The following CTTNBP2 variants were observed in gnomAD, a reference collection of about 807,000 sequenced individuals.
CTTNBP2 encodes cortactin-binding protein 2.
In CTTNBP2, 108 loss-of-function variants were observed where a neutral mutation model predicts 156.9. The observed-to-expected ratio is 0.69, with a 90% CI of 0.59 to 0.81. The LOEUF is 0.81. Among genes scored for constraint, CTTNBP2 ranks in the 30% least tolerant of loss-of-function variants. CTTNBP2 has a pLI of 0.00. For synonymous variants in CTTNBP2, 767 were observed against 751.8 expected, an observed-to-expected ratio of 1.02 and a Z score of -0.33; for missense variants, 1,924 against 2,035.4, an observed-to-expected ratio of 0.95 and a Z score of 1.05.
chr7:117,774,736 C>T lies in CTTNBP2; in HGVS notation c.2778+2775G>A, dbSNP rs1306230826. On this transcript the variant is annotated intron_variant, in intron 8 of 22. Coordinates refer to ENST00000160373, the MANE Select transcript of CTTNBP2 (RefSeq NM_033427.3). The stretch of plus-strand genomic sequence containing the variant: ...CTTCAAGCTCTGAAATTCCACAGTT[C>T]TCTACTGAAAACCACGTGGAAACTG... Among the ~76,000 whole-genome samples the T allele has an allele frequency of 7.3e-5, 11 of 150,902 alleles. No homozygotes were observed. In the East Asian group the frequency reaches 2.2e-3, roughly 30 times the overall value.
intron 2 of CTTNBP2, among the ~76,000 whole-genome samples, chr7:117,833,001 C>A (rs1170298805): frequency 6.6e-6 from 1 of 151,956 alleles, no homozygotes; most frequent in African/African-American, 2.4e-5. Flanking sequence ...GTGATCCACC[C>A]ACCTCGGCCT....
chr7:117,841,404 T>C (rs1402550696), intron 2 of CTTNBP2, among the ~76,000 whole-genome samples: 1 of 151,980 alleles, frequency 6.6e-6, no homozygotes, highest in Non-Finnish European at 1.5e-5. Flanking sequence ...AAGACTACAC[T>C]CTACTTTCTG....
chr7:117,738,434 T>C (rs1038303447), intron 14 of CTTNBP2, among the ~76,000 whole-genome samples: 4 of 151,916 alleles, frequency 2.6e-5, no homozygotes, highest in African/African-American at 4.8e-5. Context: ...AGGAAAGAAA[T>C]AGGAGAACAC....
intron 15 of CTTNBP2, 21 bp downstream of exon 15, chr7:117,735,248 T>C (rs766988371): frequency 3.1e-6 from 5 of 1,608,972 alleles, no homozygotes; most frequent in East Asian, 4.5e-5. Flanking sequence ...CTTCTCAGCA[T>C]GGTCCCTTTA....
intron 2 of CTTNBP2, among the ~76,000 whole-genome samples, chr7:117,842,094 C>T (rs1196846620): frequency 1.3e-5 from 2 of 152,160 alleles, no homozygotes; most frequent in African/African-American, 4.8e-5. Context: ...ACTGTACATA[C>T]TATAGGGTTA....
At chr7:117,765,815 G>A (rs1376754735) in intron 9 of CTTNBP2, among the ~76,000 whole-genome samples, 2 of 152,066 alleles carry the variant, frequency 1.3e-5, no homozygotes, top group Admixed American at 6.6e-5. Context: ...AACACCATTT[G>A]TACCACATTA....
At chr7:117,759,465 G>C (rs1232703849) in intron 10 of CTTNBP2, among the ~76,000 whole-genome samples, 1 of 152,076 alleles carries the variant, frequency 6.6e-6, no homozygotes, top group Non-Finnish European at 1.5e-5. Flanking sequence ...AAGTTGTCAT[G>C]AATACTCTTC....
At chr7:117,719,210 A>AAAAAG (rs1794639526) in intron 21 of CTTNBP2, among the ~76,000 whole-genome samples, 2 of 152,296 alleles carry the variant, frequency 1.3e-5, no homozygotes, top group Admixed American at 1.3e-4. Flanking sequence ...TCCAAAAATA[A>AAAAAG]AAAAGAAAAG....
rs747688753 is a variant in CTTNBP2, at chr7:117,734,913, C to G, written c.3876G>C (p.Lys1292Asn). Reference protein sequence around the residue: ...QRFLRRKVVNKFKGQAPSPCD... With the variant: ...QRFLRRKVVNNFKGQAPSPCD... ...ACAGGCTGCACTTGCTGTTTGTTAC[C>G]TTATTCACAACTTTCCTTCGTAAGA... Residue 1292 changes from lysine to asparagine, a missense_variant and splice_region_variant, in exon 16 of 23, where the codon AAG (lysine) becomes AAC (asparagine). Lys to Asn is a moderately conservative substitution (Grantham distance 94). Coordinates refer to ENST00000160373, the MANE Select transcript of CTTNBP2 (RefSeq NM_033427.3). The G allele has an allele frequency of 6.9e-6, 11 of 1,585,718 alleles. No homozygotes were observed. Among genetic ancestry groups the G allele is most frequent in the Non-Finnish European group, 8.6e-6 (10 of 1,161,734 alleles).
chr7:117,710,684 G>T lies in CTTNBP2; in HGVS notation c.*853C>A, dbSNP rs530479142. 2.0e-5 allele frequency: 3 copies of T among 152,660 alleles called. No homozygotes were observed. Among genetic ancestry groups the T allele is most frequent in the East Asian group, 3.9e-4 (2 of 5,184 alleles). 9.5% of individuals were successfully genotyped at this position (152,660 alleles called of 1,614,324 possible). A position where few individuals can be genotyped will look rare whatever the true frequency, so the allele number is the denominator to read the frequency against. On this transcript the variant is annotated 3_prime_UTR_variant, in exon 23 of 23. Transcript: ENST00000160373. Reference sequence around the variant, plus strand: ...AATCAATATTTTATTCAGTGTCAAAGCATCTTAACTGAATTGTGTAAGTAA... The same window carrying T: ...AATCAATATTTTATTCAGTGTCAAATCATCTTAACTGAATTGTGTAAGTAA...
chr7:117,843,164 T>C (rs1463345592), intron 2 of CTTNBP2, among the ~76,000 whole-genome samples: 2 of 152,144 alleles, frequency 1.3e-5, no homozygotes, highest in African/African-American at 2.4e-5. Flanking sequence ...TTAAATATTA[T>C]AGAGAAAATT....
At chr7:117,757,082 A>G (rs1273221622) in intron 11 of CTTNBP2, among the ~76,000 whole-genome samples, 3 of 152,112 alleles carry the variant, frequency 2.0e-5, no homozygotes, top group East Asian at 1.9e-4. Flanking sequence ...CCTCCCCCCA[A>G]GTTCTGCCAT....
intron 3 of CTTNBP2, among the ~76,000 whole-genome samples, chr7:117,804,935 T>G (rs759186542): frequency 6.6e-6 from 1 of 152,336 alleles, no homozygotes; most frequent in East Asian, 1.9e-4. Flanking sequence ...ATTTCCTGCA[T>G]GTTCATTCTC....
Position 117,833,372 on chromosome 7 carries a change from C to T in CTTNBP2, c.190-22383G>A, listed in dbSNP as rs116401899. 6.4e-3 allele frequency among the ~76,000 whole-genome samples: 978 copies of T among 152,276 alleles called. 11 individuals are homozygous for T. Among genetic ancestry groups the T allele is most frequent in the African/African-American group, 0.019 (770 of 41,558 alleles). The stretch of plus-strand genomic sequence containing the variant: ...TTCTAGCAATCTCTGAGAATAAAAA[C>T]GTCTTCCTTCATGACAGTCATTTCT... On this transcript the variant is annotated intron_variant, in intron 2 of 22. Transcript: ENST00000160373.
chr7:117,852,454 A>G (rs1195766005), intron 2 of CTTNBP2, among the ~76,000 whole-genome samples: 1 of 152,104 alleles, frequency 6.6e-6, no homozygotes, highest in East Asian at 1.9e-4. Context: ...TGTATTTCAG[A>G]AATCTCCATC....
At chr7:117,824,180 G>GT (rs11428255) in intron 2 of CTTNBP2, among the ~76,000 whole-genome samples, 89,369 of 148,184 alleles carry the variant, frequency 0.6, 26,721 homozygotes, top group East Asian at 0.74. Flanking sequence ...AAACTTTCTG[G>GT]TTTTTTTTTT....
At chr7:117,779,853 C>T (rs921683113) in intron 7 of CTTNBP2, among the ~76,000 whole-genome samples, 1 of 152,024 alleles carries the variant, frequency 6.6e-6, no homozygotes, top group Non-Finnish European at 1.5e-5. Flanking sequence ...CTCTGCCTCC[C>T]AGGTTCAAGC....
chr7:117,779,230 T>A (rs1031787480), intron 7 of CTTNBP2, among the ~76,000 whole-genome samples: 6 of 152,234 alleles, frequency 3.9e-5, no homozygotes, highest in Non-Finnish European at 8.8e-5. Context: ...AGTAGTCTAC[T>A]ACTGAAGAGT....
chr7:117,827,697 G>A (rs986194663), intron 2 of CTTNBP2, among the ~76,000 whole-genome samples: 5 of 152,184 alleles, frequency 3.3e-5, no homozygotes, highest in Non-Finnish European at 7.3e-5. Context: ...AGTAGTGGCT[G>A]TGGAAACAAG....
Sources: allele counts gnomAD v4.1 joint callset (sites outside exome capture counted in the v4.1 genomes callset), GRCh38; gene constraint gnomAD v4.1.1; transcripts MANE v1.5; gene names NCBI Gene and HGNC (gene_info 2026-07-23, HGNC 2026-07-21).